The following DENND5B variants were observed in gnomAD, a reference collection of about 807,000 sequenced individuals.
DENND5B encodes DENN domain-containing protein 5B.
DENND5B carries 34 observed loss-of-function variants against 140.6 expected under a neutral mutation model. That is an observed-to-expected ratio of 0.24 (90% CI 0.18 to 0.32). The LOEUF is 0.32. Among genes scored for constraint, DENND5B ranks in the 10% least tolerant of loss-of-function variants. The probability of loss-of-function intolerance (pLI) is 1.00; values close to 1 mark genes in which losing one functional copy is unlikely to be tolerated. For synonymous variants in DENND5B, 551 were observed against 562.1 expected, an observed-to-expected ratio of 0.98 and a Z score of 0.28; for missense variants, 1,142 against 1,560.2, an observed-to-expected ratio of 0.73 and a Z score of 4.52.
At chr12:31,445,062 GC>G (rs1944217224) in intron 6 of DENND5B, among the ~76,000 whole-genome samples, 1 of 152,182 alleles carries the variant, frequency 6.6e-6, no homozygotes, top group Non-Finnish European at 1.5e-5. Context: ...CACATTTGCT[GC>G]CTCCTTTTTC....
chr12:31,565,670 G>A (rs1322520684), intron 1 of DENND5B, among the ~76,000 whole-genome samples: 2 of 152,152 alleles, frequency 1.3e-5, no homozygotes, highest in Non-Finnish European at 2.9e-5. Flanking sequence ...ACATGAGAAT[G>A]ATTAAGTTTC....
intron 1 of DENND5B, among the ~76,000 whole-genome samples, chr12:31,551,014 C>T (rs1463147673): frequency 1.3e-5 from 2 of 152,018 alleles, no homozygotes; most frequent in South Asian, 2.1e-4. Flanking sequence ...TTGTAGGTTG[C>T]CTGTTCACTC....
chr12:31,430,860 T>C (rs942308778), intron 8 of DENND5B, among the ~76,000 whole-genome samples: 1 of 152,022 alleles, frequency 6.6e-6, no homozygotes, highest in Admixed American at 6.6e-5. Flanking sequence ...GCTGGAGCCA[T>C]AGAAATAGCA....
chr12:31,465,065 T>G (rs560051570), intron 3 of DENND5B: 1 of 152,380 alleles, frequency 6.6e-6, no homozygotes, highest in African/African-American at 2.4e-5. Context: ...TAGTGATGGC[T>G]CTGGCACAGA....
At chr12:31,402,711 T>TA (rs1286917750) in intron 14 of DENND5B, 68 bp from the exon 15 acceptor site, 2 of 1,488,846 alleles carry the variant, frequency 1.3e-6, no homozygotes, top group African/African-American at 2.8e-5. Context: ...AAACATATAT[T>TA]AAGAACTCTT....
At position 31,494,211 on chromosome 12, in the gene DENND5B, CCTACCTACCT is replaced by C. The variant is rs1389204886; in HGVS notation, c.237+1589_237+1598del. On this transcript the variant is annotated intron_variant, in intron 2 of 20. Coordinates refer to ENST00000389082, the MANE Select transcript of DENND5B (RefSeq NM_144973.4). ...ATCCATCCATCCATCCACCTACCTA[CCTACCTACCT>C]CTACCTACCTACCTACCTACCTACC... is the stretch of plus-strand genomic sequence containing the variant. Among the ~76,000 whole-genome samples, 391 of 80,644 alleles carry C rather than the reference CCTACCTACCT, an allele frequency of 4.8e-3. 23 individuals carry two copies. Among genetic ancestry groups the C allele is most frequent in the South Asian group, 0.012 (29 of 2,386 alleles). The allele number at this position is 80,644 out of a possible 152,430, so 52.9% of individuals were successfully genotyped here.
In DENND5B at chr12:31,581,157, T is replaced by G. The variant is rs1255965651; in HGVS notation, c.127+9549A>C. Reference sequence around the variant, plus strand: ...GTAATATTTATTTGTTATAAACAAATACCTAAAAGTTTGAATCTTATTCTA... The same window carrying G: ...GTAATATTTATTTGTTATAAACAAAGACCTAAAAGTTTGAATCTTATTCTA... On this transcript the variant is annotated intron_variant, in intron 1 of 20. Coordinates refer to ENST00000389082, the MANE Select transcript of DENND5B (RefSeq NM_144973.4). 2.0e-5 allele frequency among the ~76,000 whole-genome samples: 3 copies of G among 152,082 alleles called. No individual in the cohort carries two copies. In the East Asian group the frequency reaches 5.8e-4, roughly 29 times the overall value.
chr12:31,527,233 G>A (rs1272648214), intron 1 of DENND5B, among the ~76,000 whole-genome samples: 1 of 152,158 alleles, frequency 6.6e-6, no homozygotes, highest in Non-Finnish European at 1.5e-5. Flanking sequence ...CATGAAGGAG[G>A]TGAGACAGTG....
chr12:31,487,252 G>C (rs1946343273), intron 2 of DENND5B, among the ~76,000 whole-genome samples: 1 of 152,104 alleles, frequency 6.6e-6, no homozygotes, highest in African/African-American at 2.4e-5. Flanking sequence ...ATGAATACCT[G>C]GATTTGGTAG....
chr12:31,398,409 A>G, intron 16 of DENND5B, 47 bp from the exon 17 acceptor site: 1 of 1,502,718 alleles, frequency 6.7e-7, no homozygotes, highest in Non-Finnish European at 8.9e-7. Context: ...TTTTTGAGAC[A>G]GGGTTCCCGC....
chr12:31,545,693 C>A lies in DENND5B; in HGVS notation c.127+45013G>T, dbSNP rs574548500. ...TATGGGCCAGGCGCGGTGGCTCACA[C>A]CTGTAATCCCAGCACTTTGGGAGGC... On this transcript the variant is annotated intron_variant, in intron 1 of 20. Transcript: ENST00000389082. Among the ~76,000 whole-genome samples the A allele has an allele frequency of 2.6e-5, 4 of 152,120 alleles. No individual in the cohort carries two copies. The South Asian group carries it at 8.3e-4, about 32-fold the overall frequency.
rs1158796762 is a variant in DENND5B at position 31,398,169 on chromosome 12, A to G, written c.3256+6T>C. ...GAGCACATAAGAAAAATTTAAATAA[A>G]TTTACTGTTGTTTTTTCCTGTCAGT... On this transcript the variant is annotated splice_donor_region_variant and intron_variant, in intron 17 of 20. Coordinates refer to ENST00000389082, the MANE Select transcript of DENND5B (RefSeq NM_144973.4). 1.3e-6 allele frequency: 2 copies of G among 1,572,428 alleles called. No homozygotes were observed.
chr12:31,461,284 A>G (rs530727255), intron 3 of DENND5B, among the ~76,000 whole-genome samples: 2 of 152,172 alleles, frequency 1.3e-5, no homozygotes, highest in Non-Finnish European at 2.9e-5. Flanking sequence ...ACATGCATTC[A>G]TAGTTACACT....
intron 3 of DENND5B, among the ~76,000 whole-genome samples, chr12:31,461,363 A>C (rs983211922): frequency 6.6e-6 from 1 of 152,194 alleles, no homozygotes; most frequent in Non-Finnish European, 1.5e-5. Flanking sequence ...AAAATTAAGG[A>C]TTAGTGTTTT....
At chr12:31,461,736 T>C (rs1945031164) in intron 3 of DENND5B, among the ~76,000 whole-genome samples, 1 of 152,208 alleles carries the variant, frequency 6.6e-6, no homozygotes, top group African/African-American at 2.4e-5. Flanking sequence ...GAATGTTTGG[T>C]TTTCAGAATT....
chr12:31,567,273 G>A (rs1337271064), intron 1 of DENND5B, among the ~76,000 whole-genome samples: 2 of 148,464 alleles, frequency 1.3e-5, no homozygotes, highest in African/African-American at 5.0e-5. Context: ...AGCTGTGATA[G>A]CATCACTGCA....
At chr12:31,566,290 T>A (rs1469144197) in intron 1 of DENND5B, among the ~76,000 whole-genome samples, 1 of 151,840 alleles carries the variant, frequency 6.6e-6, no homozygotes, top group Non-Finnish European at 1.5e-5. Flanking sequence ...TGTGAATAGC[T>A]ACTGCATTCC....
At chr12:31,553,489 A>G (rs12823269) in intron 1 of DENND5B, among the ~76,000 whole-genome samples, 2 of 152,102 alleles carry the variant, frequency 1.3e-5, no homozygotes, top group Non-Finnish European at 2.9e-5. Context: ...CCAACTATGT[A>G]GTCAATTTTG....
chr12:31,562,669 G>A (rs1949516382), intron 1 of DENND5B, among the ~76,000 whole-genome samples: 1 of 151,966 alleles, frequency 6.6e-6, no homozygotes, highest in African/African-American at 2.4e-5. Flanking sequence ...AGTTGTATAC[G>A]ATCTGTGTAA....
Sources: allele counts gnomAD v4.1 joint callset (sites outside exome capture counted in the v4.1 genomes callset), GRCh38; gene constraint gnomAD v4.1.1; transcripts MANE v1.5; gene names NCBI Gene and HGNC (gene_info 2026-07-23, HGNC 2026-07-21).